HIBCH: variants seen among roughly 807,000 people sequenced by gnomAD.
The protein encoded by HIBCH is 3-hydroxyisobutyryl-CoA hydrolase, mitochondrial.
In HIBCH, 50 loss-of-function variants were observed where a neutral mutation model predicts 58.2. That is an observed-to-expected ratio of 0.86 (90% CI 0.68 to 1.09). The LOEUF is 1.09. HIBCH is among the 50% of genes least tolerant of loss of function. HIBCH has a pLI of 0.00. For synonymous variants in HIBCH, 151 were observed against 146.9 expected (o/e 1.03, Z -0.20); for missense variants, 450 against 449.7 (o/e 1.00, Z -0.01).
intron 1 of HIBCH, among the ~76,000 whole-genome samples, chr2:190,313,587 G>A (rs1688614001): frequency 6.9e-6 from 1 of 145,522 alleles, no homozygotes; most frequent in African/African-American, 2.5e-5. Flanking sequence ...AGAGGTTGCA[G>A]TGAGCCGAGA....
At chr2:190,300,645 TCTTTA>T (rs200281343) in intron 2 of HIBCH, among the ~76,000 whole-genome samples, 6 of 152,174 alleles carry the variant, frequency 3.9e-5, no homozygotes, top group African/African-American at 1.2e-4. Context: ...GTCCAGAAGC[TCTTTA>T]CTTTAATTAG....
At chr2:190,192,298 A>T (rs898095040) in intron 1 of HIBCH, among the ~76,000 whole-genome samples, 1 of 151,906 alleles carries the variant, frequency 6.6e-6, no homozygotes, top group Non-Finnish European at 1.5e-5. Flanking sequence ...TTTCTGTTTC[A>T]TAGGTTTGTG....
chr2:190,193,013 T>TA (rs1313759096), intron 1 of HIBCH, among the ~76,000 whole-genome samples: 24 of 152,114 alleles, frequency 1.6e-4, no homozygotes, highest in Admixed American at 1.3e-3. Flanking sequence ...CCCTTCCTCA[T>TA]ACTCAGTGGG....
chr2:190,319,698 C>T lies in HIBCH; in HGVS notation c.35+18G>A. 1 of 1,602,812 alleles carries T rather than the reference C, an allele frequency of 6.2e-7. No individual in the cohort carries two copies. The highest frequency in any genetic ancestry group is 8.5e-7 in the Non-Finnish European group (1 of 1,170,418). On this transcript the variant is annotated intron_variant, in intron 1 of 13. Coordinates refer to ENST00000359678, the MANE Select transcript of HIBCH (RefSeq NM_014362.4). ...GCCGCTGAAGAGCCTGCCCTTGGCC[C>T]CTCGCTCTCTCACTCACCTCGACAT...
intron 1 of HIBCH, among the ~76,000 whole-genome samples, chr2:190,191,435 G>A (rs1454018047): frequency 1.3e-5 from 2 of 152,132 alleles, no homozygotes; most frequent in Non-Finnish European, 2.9e-5. Context: ...ATGCGCCACC[G>A]TCCCCAGCCA....
chr2:190,192,049 C>T (rs182121948), intron 1 of HIBCH, among the ~76,000 whole-genome samples: 137 of 151,860 alleles, frequency 9.0e-4, no homozygotes, highest in African/African-American at 3.2e-3. Flanking sequence ...AACCCAAGAT[C>T]GCAAATGTTT....
intron 11 of HIBCH, among the ~76,000 whole-genome samples, chr2:190,218,576 G>A (rs1220773190): frequency 6.6e-6 from 1 of 152,048 alleles, no homozygotes; most frequent in East Asian, 1.9e-4. Context: ...CTAACTTTAA[G>A]GCAAACTAAA....
chr2:190,285,983 TG>T (rs1687818451), intron 6 of HIBCH, among the ~76,000 whole-genome samples: 1 of 152,052 alleles, frequency 6.6e-6, no homozygotes, highest in African/African-American at 2.4e-5. Flanking sequence ...CTGAGATTAC[TG>T]GTGCACACCA....
In HIBCH at chr2:190,204,676, C is replaced by G. The variant is rs1267086090; in HGVS notation, c.*441G>C. 1 of 179,550 alleles carries G rather than the reference C, an allele frequency of 5.6e-6. No individual in the cohort carries two copies. Among genetic ancestry groups the G allele is most frequent in the East Asian group, 1.5e-4 (1 of 6,602 alleles). 11.1% of individuals were successfully genotyped at this position (179,550 alleles called of 1,614,324 possible). ...GGTCTTTATTTTTTATATTGTATACCTAAGTTGATTTCATCAACATACAAG... is the reference window on the plus strand; with the variant it reads ...GGTCTTTATTTTTTATATTGTATACGTAAGTTGATTTCATCAACATACAAG... On this transcript the variant is annotated 3_prime_UTR_variant, in exon 14 of 14. Coordinates refer to ENST00000359678, the MANE Select transcript of HIBCH (RefSeq NM_014362.4).
intron 2 of HIBCH, among the ~76,000 whole-genome samples, chr2:190,303,259 G>A (rs1199768925): frequency 1.3e-5 from 2 of 152,116 alleles, no homozygotes; most frequent in Non-Finnish European, 2.9e-5. Context: ...TATCCTCTGA[G>A]AGAAAGCCAT....
chr2:190,206,496 T>C lies in HIBCH; in HGVS notation c.1046-1264A>G, dbSNP rs1559009992. Among the ~76,000 whole-genome samples the C allele has an allele frequency of 6.6e-6, 1 of 152,204 alleles. No individual in the cohort carries two copies. The highest frequency in any genetic ancestry group is 1.5e-5 in the Non-Finnish European group (1 of 68,042). ...TTATTTTATTTCAAGCTAACAATTT[T>C]TTTACTAGAATACATACAAGTTCGT... On this transcript the variant is annotated intron_variant, in intron 13 of 13. Transcript: ENST00000359678. The surrounding 1 kb of genome is among the most constrained non-coding windows in gnomAD (Gnocchi z 5.1).
rs1685595683 is a variant in HIBCH at position 190,217,590 on chromosome 2, T to G, written c.892-4515A>C. On this transcript the variant is annotated intron_variant, in intron 11 of 13. Coordinates refer to ENST00000359678, the MANE Select transcript of HIBCH (RefSeq NM_014362.4). The surrounding 1 kb of genome is among the most constrained non-coding windows in gnomAD (Gnocchi z 4.6). ...AAATCAAAGACCAATTTTTTAAAAA[T>G]TATACACTGGGCATATCCTCTACCC... Among the ~76,000 whole-genome samples, 1 of 152,170 alleles carries G rather than the reference T, an allele frequency of 6.6e-6. No homozygotes were observed. The highest frequency in any genetic ancestry group is 2.4e-5 in the African/African-American group (1 of 41,442).
chr2:190,273,964 C>T (rs986008686), intron 6 of HIBCH, among the ~76,000 whole-genome samples: 2 of 152,080 alleles, frequency 1.3e-5, no homozygotes, highest in Non-Finnish European at 2.9e-5. Flanking sequence ...CATGCACCAC[C>T]ATGCCTGGTT....
At chr2:190,303,662 C>T (rs1426639326) in intron 2 of HIBCH, among the ~76,000 whole-genome samples, 1 of 152,144 alleles carries the variant, frequency 6.6e-6, no homozygotes, top group Non-Finnish European at 1.5e-5. Flanking sequence ...GTAGTTATCT[C>T]CCTTCCAAGA....
At chr2:190,299,096 C>T (rs184299985) in intron 2 of HIBCH, among the ~76,000 whole-genome samples, 416 of 152,144 alleles carry the variant, frequency 2.7e-3, no homozygotes, top group African/African-American at 9.7e-3. Flanking sequence ...CTTAAAACCT[C>T]ACATGGGAAA....
Position 190,211,137 on chromosome 2 carries a change from T to C in HIBCH, c.1011+1819A>G, listed in dbSNP as rs10183133. 0.3 allele frequency among the ~76,000 whole-genome samples: 45,760 copies of C among 152,054 alleles called. 7,784 individuals are homozygous for C. Among genetic ancestry groups the C allele is most frequent in the East Asian group, 0.45 (2,342 of 5,154 alleles). ...AGCACACCTATGTACCTGGAACCTATGTACCTGGGTACCTCTAACAGTGTC... is the reference window on the plus strand; with the variant it reads ...AGCACACCTATGTACCTGGAACCTACGTACCTGGGTACCTCTAACAGTGTC... On this transcript the variant is annotated intron_variant, in intron 12 of 13. Transcript: ENST00000359678. This position sits in a 1 kb window ranked among gnomAD's most constrained non-coding sequence, Gnocchi z 5.0.
chr2:190,244,738 T>C, intron 11 of HIBCH, 149 bp downstream of exon 11: 3 of 736,100 alleles, frequency 4.1e-6, no homozygotes, highest in South Asian at 2.9e-5. Context: ...GTGGAACTGA[T>C]TTCTGAAGCT....
chr2:190,295,188 A>ATGGACTTT (rs1442451681), intron 3 of HIBCH, among the ~76,000 whole-genome samples: 1 of 152,254 alleles, frequency 6.6e-6, no homozygotes, highest in African/African-American at 2.4e-5. Context: ...AAAGTCCAGA[A>ATGGACTTT]CAATGGACGA....
At chr2:190,248,110 T>C (rs1210282425) in intron 9 of HIBCH, among the ~76,000 whole-genome samples, 1 of 152,220 alleles carries the variant, frequency 6.6e-6, no homozygotes, top group Non-Finnish European at 1.5e-5. Flanking sequence ...AGTTATAGAT[T>C]GGTATTTGTC....
Sources: gnomAD v4.1 joint callset for allele counts (sites outside exome capture counted in the v4.1 genomes callset) on GRCh38, gnomAD v4.1.1 for gene constraint, Gnocchi (gnomAD v3.1) non-coding constraint, MANE v1.5 for transcripts, NCBI Gene and HGNC (gene_info 2026-07-23, HGNC 2026-07-21) for gene names.